ZNF541: variants seen among roughly 807,000 people sequenced by gnomAD.
The protein encoded by ZNF541 is zinc finger protein 541.
A neutral mutation model predicts 123.5 loss-of-function variants in ZNF541; 23 were observed. The ratio of observed to expected loss-of-function variants is 0.19; its 90% CI spans 0.13 to 0.26. The LOEUF (loss-of-function observed/expected upper bound fraction) is 0.26, where lower values mean the gene tolerates loss of function less well. Ranked by LOEUF, ZNF541 falls within the 10% of genes least tolerant of loss-of-function variation. The pLI is 1.00. For synonymous variants in ZNF541, 751 were observed against 754.5 expected, an observed-to-expected ratio of 1.00 and a Z score of 0.08; for missense variants, 1,612 against 1,789.9, an observed-to-expected ratio of 0.90 and a Z score of 1.79.
rs1600016640 is a variant in ZNF541, at chr19:47,545,471, G to C, written c.1058C>G (p.Pro353Arg). Residue 353 changes from proline to arginine, a missense_variant, in exon 5 of 17, where the codon CCT becomes CGT. Coordinates refer to ENST00000391901, the MANE Select transcript of ZNF541 (RefSeq NM_001277075.3). The surrounding 1 kb of genome is among the most constrained non-coding windows in gnomAD (Gnocchi z 7.5). The part of the protein sequence containing the change: ...KEPATDVFTA[P>R]NSRAAENGAP... The stretch of plus-strand genomic sequence containing the variant: ...GCCGTTCTCGGCGGCCCTGGAATTA[G>C]GGGCTGTGAACACGTCAGTGGCCGG... The C allele has an allele frequency of 6.7e-7, 1 of 1,481,546 alleles. No individual in the cohort carries two copies. The highest frequency in any genetic ancestry group is 2.5e-5 in the East Asian group (1 of 40,286). 91.8% of individuals were successfully genotyped at this position (1,481,546 alleles called of 1,614,324 possible). A position where few individuals can be genotyped will look rare whatever the true frequency, so the allele number is the denominator to read the frequency against.
chr19:47,550,926 G>A (rs777486886), intron 3 of ZNF541, among the ~76,000 whole-genome samples: 1 of 152,178 alleles, frequency 6.6e-6, no homozygotes, highest in Non-Finnish European at 1.5e-5. Context: ...TGTGTTCTCA[G>A]ATGCGAGAGT....
intron 2 of ZNF541, among the ~76,000 whole-genome samples, chr19:47,566,604 G>A (rs995500617): frequency 6.6e-6 from 1 of 151,754 alleles, no homozygotes; most frequent in African/African-American, 2.4e-5. Context: ...AAATTAGCTC[G>A]GCATAGTGGC....
At position 47,523,339 on chromosome 19, in the gene ZNF541, TA is replaced by T. The variant is rs75366644; in HGVS notation, c.3571-1346del. ...CACCGCGCCCGGCGAGCGTCTCTTT[TA>T]AAAAAAAAAAAAAAAAAAAAAAGGA... On this transcript the variant is annotated intron_variant, in intron 14 of 16. Transcript: ENST00000391901. Among the ~76,000 whole-genome samples the T allele has an allele frequency of 8.6e-3, 907 of 105,730 alleles. 6 individuals carry two copies. Among genetic ancestry groups the T allele is most frequent in the East Asian group, 0.033 (131 of 3,974 alleles). The allele number at this position is 105,730 out of a possible 152,430, so 69.4% of individuals were successfully genotyped here.
At chr19:47,538,005 G>A (rs746873527) in intron 9 of ZNF541, 137 bp downstream of exon 9, 22 of 1,035,478 alleles carry the variant, frequency 2.1e-5, no homozygotes, top group Non-Finnish European at 3.1e-5. Context: ...GGGCACATCT[G>A]AATAGCAAAG....
intron 3 of ZNF541, among the ~76,000 whole-genome samples, chr19:47,553,329 C>G (rs940059742): frequency 2.6e-5 from 4 of 151,850 alleles, no homozygotes; most frequent in Admixed American, 2.6e-4. Context: ...ACCTCCATCT[C>G]CCAGATTCAA....
chr19:47,566,780 G>A (rs556490380), intron 2 of ZNF541, among the ~76,000 whole-genome samples: 18 of 151,456 alleles, frequency 1.2e-4, no homozygotes, highest in Non-Finnish European at 1.8e-4. Flanking sequence ...GGCCAGGTGC[G>A]GTGGCTCACA....
intron 7 of ZNF541, 22 bp downstream of exon 7, chr19:47,540,154 G>T (rs767776351): frequency 6.5e-7 from 1 of 1,543,522 alleles, no homozygotes; most frequent in African/African-American, 1.4e-5. Context: ...TAACCACCAA[G>T]CCACTGGTCG....
At chr19:47,566,360 G>A (rs565295901) in intron 2 of ZNF541, among the ~76,000 whole-genome samples, 2 of 152,108 alleles carry the variant, frequency 1.3e-5, no homozygotes, top group African/African-American at 4.8e-5. Context: ...TGTTTGGAGG[G>A]GAGGGAACAA....
Position 47,545,532 on chromosome 19 carries a change from C to T in ZNF541, c.997G>A (p.Glu333Lys). ...PHAAPAALDT[E>K]LPEEPCLPQK... ...GGGAGGCAAGGCTCCTCGGGAAGCT[C>T]GGTGTCCAGCGCTGCTGGGGCCGCG... Residue 333 changes from glutamate to lysine, a missense_variant, in exon 5 of 17, where the codon GAG becomes AAG. Physicochemically the swap from Glu to Lys is moderately conservative, Grantham distance 56. Coordinates refer to ENST00000391901, the MANE Select transcript of ZNF541 (RefSeq NM_001277075.3). This position sits in a 1 kb window ranked among gnomAD's most constrained non-coding sequence, Gnocchi z 7.5. 1.3e-6 allele frequency: 2 copies of T among 1,520,058 alleles called. No homozygotes were observed. The highest frequency in any genetic ancestry group is 1.8e-6 in the Non-Finnish European group (2 of 1,129,918). The allele number at this position is 1,520,058 out of a possible 1,614,324, so 94.2% of individuals were successfully genotyped here.
intron 9 of ZNF541, among the ~76,000 whole-genome samples, chr19:47,535,878 A>C (rs1969795883): frequency 6.6e-6 from 1 of 152,156 alleles, no homozygotes; most frequent in Admixed American, 6.5e-5. Flanking sequence ...ACACACACAG[A>C]AATATAGAGG....
rs140463310 is a variant in ZNF541, at chr19:47,538,530, C to T, written c.2797-91G>A. ...TGGAAAGAGAGCAGGAAAAGGAGACCGGCCAGAGACAGGAAACTAGGAAAT... is the reference window on the plus strand; with the variant it reads ...TGGAAAGAGAGCAGGAAAAGGAGACTGGCCAGAGACAGGAAACTAGGAAAT... On this transcript the variant is annotated intron_variant, in intron 8 of 16. Transcript: ENST00000391901. 1,171 of 1,330,022 alleles carry T rather than the reference C, an allele frequency of 8.8e-4. 1 individual carries two copies. The highest frequency in any genetic ancestry group is 9.8e-4 in the Non-Finnish European group (989 of 1,005,880). The allele number at this position is 1,330,022 out of a possible 1,614,324, so 82.4% of individuals were successfully genotyped here. A position where few individuals can be genotyped will look rare whatever the true frequency, so the allele number is the denominator to read the frequency against.
intron 2 of ZNF541, among the ~76,000 whole-genome samples, chr19:47,557,424 A>G (rs1970868287): frequency 6.6e-6 from 1 of 152,224 alleles, no homozygotes; most frequent in South Asian, 2.1e-4. Context: ...CTACAAAAGA[A>G]TGACAATTAC....
At chr19:47,541,941 G>T (rs1970097033) in intron 5 of ZNF541, among the ~76,000 whole-genome samples, 1 of 152,174 alleles carries the variant, frequency 6.6e-6, no homozygotes, top group African/African-American at 2.4e-5. Context: ...ATTCACAGCA[G>T]CACCATATTC....
At position 47,539,759 on chromosome 19, in the gene ZNF541, G is replaced by C. The variant is rs1426230538; in HGVS notation, c.2742C>G (p.Val914=). 6.8e-7 allele frequency: 1 copy of C among 1,464,830 alleles called. No homozygotes were observed. Among genetic ancestry groups the C allele is most frequent in the Non-Finnish European group, 9.0e-7 (1 of 1,114,824 alleles). The allele number at this position is 1,464,830 out of a possible 1,614,324, so 90.7% of individuals were successfully genotyped here. Residue 914 remains valine, a synonymous_variant, in exon 8 of 17, where the codon GTC becomes GTG. Transcript: ENST00000391901. ...CTGGAACCACGGGGATCGATTGGGG[G>C]ACCACCAAAGGGGCTGCAGCTGTGG... The part of the protein sequence containing the change: ...LDPTAAAPLV[V]PQSIPVVPVT...
chr19:47,529,367 G>T (rs540298542), intron 13 of ZNF541, among the ~76,000 whole-genome samples: 1 of 152,248 alleles, frequency 6.6e-6, no homozygotes, highest in Non-Finnish European at 1.5e-5. Context: ...GGCAGAGTCC[G>T]TAAGGAAACC....
intron 14 of ZNF541, among the ~76,000 whole-genome samples, chr19:47,527,950 C>T (rs1299239335): frequency 4.1e-5 from 6 of 147,258 alleles, no homozygotes; most frequent in African/African-American, 7.5e-5. Context: ...CCACATGCCT[C>T]GGCCTCCCAA....
At position 47,531,738 on chromosome 19, in the gene ZNF541, C is replaced by T; in HGVS notation, c.3309G>A (p.Glu1103=). 1 of 1,543,282 alleles carries T rather than the reference C, an allele frequency of 6.5e-7. No individual in the cohort carries two copies. Residue 1103 remains glutamate (E), a synonymous_variant, in exon 12 of 17, where the codon GAG becomes GAA. Coordinates refer to ENST00000391901, the MANE Select transcript of ZNF541 (RefSeq NM_001277075.3). ...CGCTGGAGCATGCCACATTGCAGAG[C>T]TCGGTCACTGTTTCCAAGAAGGACA... ...ISSETQDRVT[E]LCNVACSSVM...
intron 10 of ZNF541, 137 bp from the exon 11 acceptor site, chr19:47,532,407 A>G: frequency 1.0e-6 from 1 of 956,466 alleles, no homozygotes; most frequent in East Asian, 2.6e-5. Context: ...CAGGTGCATC[A>G]GGTACGTGCT....
intron 3 of ZNF541, among the ~76,000 whole-genome samples, chr19:47,553,194 C>T (rs1341740166): frequency 6.6e-6 from 1 of 152,052 alleles, no homozygotes; most frequent in East Asian, 1.9e-4. Flanking sequence ...ACTTGATCTT[C>T]TTAGAAACCA....
Sources: allele counts gnomAD v4.1 joint callset (sites outside exome capture counted in the v4.1 genomes callset), GRCh38; gene constraint gnomAD v4.1.1; non-coding constraint Gnocchi (gnomAD v3.1); transcripts MANE v1.5; gene names NCBI Gene and HGNC (gene_info 2026-07-23, HGNC 2026-07-21).